EPHA4: variants seen among roughly 807,000 people sequenced by gnomAD.
EPHA4 encodes the protein ephrin type-A receptor 4.
Under a neutral mutation model 108.3 loss-of-function variants are expected in EPHA4, and 19 were observed. The ratio of observed to expected loss-of-function variants is 0.18; its 90% CI spans 0.12 to 0.26. The LOEUF is 0.26. Among genes scored for constraint, EPHA4 ranks in the 10% least tolerant of loss-of-function variants. The probability of loss-of-function intolerance (pLI) is 1.00; values close to 1 mark genes in which losing one functional copy is unlikely to be tolerated. For synonymous variants in EPHA4, 449 were observed against 455.5 expected (o/e 0.99, Z 0.18); for missense variants, 917 against 1,254.0 (o/e 0.73, Z 4.06).
chr2:221,463,568 G>A (rs1691215304), intron 5 of EPHA4, among the ~76,000 whole-genome samples: 1 of 152,146 alleles, frequency 6.6e-6, no homozygotes, highest in Non-Finnish European at 1.5e-5. Flanking sequence ...CATTTCACAA[G>A]GAGAAATTAC....
At chr2:221,423,405 A>C (rs554606883) in intron 17 of EPHA4, among the ~76,000 whole-genome samples, 2 of 152,302 alleles carry the variant, frequency 1.3e-5, no homozygotes, top group Admixed American at 1.3e-4. Context: ...CTAAAACTTC[A>C]TGGAGGTAGT....
At chr2:221,561,505 C>A (rs541125157) in intron 3 of EPHA4, among the ~76,000 whole-genome samples, 5 of 152,106 alleles carry the variant, frequency 3.3e-5, no homozygotes, top group Non-Finnish European at 4.4e-5. Context: ...TTCTCAAAAA[C>A]GACTCAATCC....
chr2:221,540,048 T>C (rs1693787388), intron 3 of EPHA4, among the ~76,000 whole-genome samples: 2 of 152,146 alleles, frequency 1.3e-5, no homozygotes, highest in African/African-American at 4.8e-5. Flanking sequence ...GACTCCTGAG[T>C]AGCTGGAATT....
rs537172750 is a variant in EPHA4, at chr2:221,419,897, A to T, written c.*1475T>A. ...CTCTCCAGGTGTAGCATTCCACAAC[A>T]TTCATGGGTAGTCCTAAGCATGAGG... On this transcript the variant is annotated 3_prime_UTR_variant, in exon 18 of 18. Coordinates refer to ENST00000281821, the MANE Select transcript of EPHA4 (RefSeq NM_004438.5). 3.1e-3 allele frequency: 466 copies of T among 152,762 alleles called. 1 individual carries two copies. Among genetic ancestry groups the T allele is most frequent in the Non-Finnish European group, 5.5e-3 (377 of 68,064 alleles). The allele number at this position is 152,762 out of a possible 1,614,324, so 9.5% of individuals were successfully genotyped here. A position where few individuals can be genotyped will look rare whatever the true frequency, so the allele number is the denominator to read the frequency against.
intron 1 of EPHA4, among the ~76,000 whole-genome samples, chr2:221,570,131 A>T (rs1176924976): frequency 6.6e-6 from 1 of 152,146 alleles, no homozygotes. Context: ...TTTACAAAAA[A>T]AGGAGGGAGT....
chr2:221,462,557 A>T (rs1164342790), intron 5 of EPHA4, among the ~76,000 whole-genome samples: 1 of 152,230 alleles, frequency 6.6e-6, no homozygotes, highest in African/African-American at 2.4e-5. Flanking sequence ...TACTGTAGAT[A>T]TCAAACATTT....
chr2:221,543,169 G>A (rs187776765), intron 3 of EPHA4, among the ~76,000 whole-genome samples: 31 of 152,088 alleles, frequency 2.0e-4, no homozygotes, highest in Non-Finnish European at 3.4e-4. Context: ...TAAAACTTTG[G>A]CCAAGGATAT....
intron 3 of EPHA4, among the ~76,000 whole-genome samples, chr2:221,510,465 C>T (rs1692793417): frequency 6.6e-6 from 1 of 152,214 alleles, no homozygotes. Context: ...TCCATCTCCT[C>T]CCATTTTTCC....
chr2:221,482,533 G>C lies in EPHA4; in HGVS notation c.1137C>G (p.Pro379=), dbSNP rs759217864. 4.3e-6 allele frequency: 7 copies of C among 1,613,958 alleles called. No individual in the cohort carries two copies. The highest frequency in any genetic ancestry group is 3.3e-4 in the Middle Eastern group (2 of 6,078). ...GGGTGTAGTGGACCCCACTTCCACA[G>C]GGTCGGCACTTGCTGGGGTCACCAG... ...CGAGDPSKCR[P]CGSGVHYTPQ... Residue 379 remains proline (P), a synonymous_variant, in exon 5 of 18, where the codon CCC becomes CCG. Transcript: ENST00000281821.
chr2:221,528,880 A>T (rs929044828), intron 3 of EPHA4, among the ~76,000 whole-genome samples: 3 of 152,192 alleles, frequency 2.0e-5, no homozygotes, highest in African/African-American at 7.2e-5. Flanking sequence ...GCATGCTCTT[A>T]TCCTCTGTCC....
chr2:221,569,202 T>G (rs1694756609), intron 1 of EPHA4, among the ~76,000 whole-genome samples: 1 of 152,202 alleles, frequency 6.6e-6, no homozygotes, highest in African/African-American at 2.4e-5. Flanking sequence ...CTCATCAGGG[T>G]GACAGAGCCA....
At chr2:221,524,424 G>C (rs745714385) in intron 3 of EPHA4, among the ~76,000 whole-genome samples, 1 of 152,204 alleles carries the variant, frequency 6.6e-6, no homozygotes, top group African/African-American at 2.4e-5. Context: ...ACTTTTTGCT[G>C]AAATGAGAAT....
At chr2:221,546,330 C>T (rs935902381) in intron 3 of EPHA4, among the ~76,000 whole-genome samples, 54 of 152,264 alleles carry the variant, frequency 3.5e-4, no homozygotes, top group African/African-American at 1.2e-3. Context: ...ACTTTGCCTT[C>T]GGCTGCCCAT....
In EPHA4 at chr2:221,494,401, C is replaced by A. The variant is rs187954003; in HGVS notation, c.979+6616G>T. ...GGCGGATCGCTTGAGGTCAGGAGTT[C>A]GAGACCAGCCTGGTCAACATAGCGA... is the stretch of plus-strand genomic sequence containing the variant. On this transcript the variant is annotated intron_variant, in intron 4 of 17. Transcript: ENST00000281821. Among the ~76,000 whole-genome samples, 4 of 152,256 alleles carry A rather than the reference C, an allele frequency of 2.6e-5. No individual in the cohort carries two copies. In the East Asian group the frequency reaches 5.8e-4, roughly 22 times the overall value.
chr2:221,539,662 CAG>C (rs1693774846), intron 3 of EPHA4, among the ~76,000 whole-genome samples: 1 of 152,152 alleles, frequency 6.6e-6, no homozygotes, highest in South Asian at 2.1e-4. Context: ...AGCTTTGACA[CAG>C]GGCCCCAGTA....
At chr2:221,522,005 A>C (rs565831681) in intron 3 of EPHA4, among the ~76,000 whole-genome samples, 1 of 152,138 alleles carries the variant, frequency 6.6e-6, no homozygotes, top group Admixed American at 6.5e-5. Flanking sequence ...AAACAAAAAA[A>C]CAAATAAACA....
intron 3 of EPHA4, among the ~76,000 whole-genome samples, chr2:221,547,732 C>T (rs10498117): frequency 0.11 from 16,940 of 152,118 alleles, 1,103 homozygotes; most frequent in Non-Finnish European, 0.14. Flanking sequence ...TTCTTTCTAA[C>T]AGTTCTCAAG....
chr2:221,458,813 A>C (rs1435150001), intron 5 of EPHA4, among the ~76,000 whole-genome samples: 1 of 152,196 alleles, frequency 6.6e-6, no homozygotes, highest in Non-Finnish European at 1.5e-5. Context: ...GCTGACACTG[A>C]CAATGGCTGG....
chr2:221,552,122 A>C (rs953740525), intron 3 of EPHA4, among the ~76,000 whole-genome samples: 1 of 152,192 alleles, frequency 6.6e-6, no homozygotes, highest in Admixed American at 6.5e-5. Context: ...CAAAAACCAG[A>C]GGCTGCTTAT....
Sources: allele counts gnomAD v4.1 joint callset (sites outside exome capture counted in the v4.1 genomes callset), GRCh38; gene constraint gnomAD v4.1.1; transcripts MANE v1.5; gene names NCBI Gene and HGNC (gene_info 2026-07-23, HGNC 2026-07-21).